Variants in SEPTIN7 observed in about 807,000 individuals in gnomAD.
SEPTIN7 encodes the protein septin-7.
SEPTIN7 carries 10 observed loss-of-function variants against 63.3 expected under a neutral mutation model. The ratio of observed to expected loss-of-function variants is 0.16; its 90% CI spans 0.10 to 0.27. The LOEUF (loss-of-function observed/expected upper bound fraction) is 0.27, where lower values mean the gene tolerates loss of function less well. Ranked by LOEUF, SEPTIN7 falls within the 10% of genes least tolerant of loss-of-function variation. SEPTIN7 has a pLI of 1.00. For missense variants in SEPTIN7, 310 were observed against 521.0 expected, an observed-to-expected ratio of 0.59 and a Z score of 3.94; for synonymous variants, 131 against 165.3, an observed-to-expected ratio of 0.79 and a Z score of 1.59.
chr7:35,807,110 C>A lies in SEPTIN7; in HGVS notation c.61+5840C>A, dbSNP rs1217599760. 2.0e-5 allele frequency among the ~76,000 whole-genome samples: 3 copies of A among 152,136 alleles called. No homozygotes were observed. The South Asian group carries it at 6.2e-4, about 32-fold the overall frequency. On this transcript the variant is annotated intron_variant, in intron 1 of 13. Transcript: ENST00000350320. ...CCAGGAAGTATCAGACACTTTGACACCATAGCAATCAAGAAAGCTGTGGTC... is the reference window on the plus strand; with the variant it reads ...CCAGGAAGTATCAGACACTTTGACAACATAGCAATCAAGAAAGCTGTGGTC...
chr7:35,801,160 G>GAC lies in SEPTIN7; in HGVS notation c.-49_-48insCA. On this transcript the variant is annotated 5_prime_UTR_variant, in exon 1 of 14. Transcript: ENST00000350320. ...CGGAATCGGCGTAGGCGCCTTTGGAGAATCGGCGGGCTGCGCTCCGCTGGG... is the reference window on the plus strand; with the variant it reads ...CGGAATCGGCGTAGGCGCCTTTGGAGACAATCGGCGGGCTGCGCTCCGCTGGG... The GAC allele has an allele frequency of 6.9e-7, 1 of 1,442,454 alleles. No individual in the cohort carries two copies. 89.4% of individuals were successfully genotyped at this position (1,442,454 alleles called of 1,614,324 possible). A position where few individuals can be genotyped will look rare whatever the true frequency, so the allele number is the denominator to read the frequency against.
intron 1 of SEPTIN7, chr7:35,802,126 G>A (rs1788033174): frequency 6.0e-6 from 1 of 167,114 alleles, no homozygotes; most frequent in South Asian, 1.2e-4. Flanking sequence ...CGAAGTTTAG[G>A]GAAATTAATT....
chr7:35,904,315 A>G lies in SEPTIN7; in HGVS notation c.*22A>G. On this transcript the variant is annotated 3_prime_UTR_variant, in exon 14 of 14. Coordinates refer to ENST00000350320, the MANE Select transcript of SEPTIN7 (RefSeq NM_001788.6). ...TTAAACTCTCTATTGACCACCAGTT[A>G]ACGTATTAGTTGCCAATATGCCAGC... 1 of 1,541,512 alleles carries G rather than the reference A, an allele frequency of 6.5e-7. No homozygotes were observed. Among genetic ancestry groups the G allele is most frequent in the African/African-American group, 1.4e-5 (1 of 73,002 alleles).
intron 3 of SEPTIN7, among the ~76,000 whole-genome samples, chr7:35,834,284 T>A (rs1783975521): frequency 6.6e-6 from 1 of 152,012 alleles, no homozygotes; most frequent in Non-Finnish European, 1.5e-5. Flanking sequence ...TTCCTTTGAC[T>A]TTAGAATTTT....
chr7:35,889,953 A>G (rs1313764961), intron 10 of SEPTIN7, among the ~76,000 whole-genome samples: 16 of 152,360 alleles, frequency 1.1e-4, no homozygotes, highest in Admixed American at 5.2e-4. Context: ...GAGAAGAGAG[A>G]GGACTGACAA....
intron 12 of SEPTIN7, 98 bp downstream of exon 12, chr7:35,898,481 AT>A: frequency 1.3e-6 from 1 of 780,700 alleles, no homozygotes; most frequent in Non-Finnish European, 2.0e-6. Flanking sequence ...TTTTATACAT[AT>A]TTTTTCAAAA....
intron 1 of SEPTIN7, among the ~76,000 whole-genome samples, chr7:35,806,831 A>G (rs532713205): frequency 6.6e-6 from 1 of 152,356 alleles, no homozygotes; most frequent in Non-Finnish European, 1.5e-5. Context: ...TCTTTATTAT[A>G]TAAGATTTCA....
intron 1 of SEPTIN7, among the ~76,000 whole-genome samples, chr7:35,811,108 C>T (rs529212628): frequency 5.3e-5 from 8 of 152,146 alleles, no homozygotes; most frequent in African/African-American, 1.9e-4. Flanking sequence ...ATGTATTGTC[C>T]TTCAGTTTTA....
intron 1 of SEPTIN7, among the ~76,000 whole-genome samples, chr7:35,824,277 T>G (rs1370408942): frequency 6.6e-6 from 1 of 152,134 alleles, no homozygotes; most frequent in African/African-American, 2.4e-5. Context: ...AACCACTTCT[T>G]GAGGGGGCTG....
intron 4 of SEPTIN7, among the ~76,000 whole-genome samples, chr7:35,869,843 AAAAACAGTTG>A (rs1204738627): frequency 6.6e-6 from 1 of 152,186 alleles, no homozygotes; most frequent in Non-Finnish European, 1.5e-5. Flanking sequence ...TTTTTCAGGG[AAAAACAGTTG>A]AAAATGCCCT....
intron 1 of SEPTIN7, among the ~76,000 whole-genome samples, chr7:35,811,027 C>G (rs1788673891): frequency 6.6e-6 from 1 of 152,148 alleles, no homozygotes; most frequent in Non-Finnish European, 1.5e-5. Context: ...CCTTGGCCTC[C>G]CAAAGTGCTG....
At chr7:35,895,384 T>C (rs1355566961) in intron 11 of SEPTIN7, among the ~76,000 whole-genome samples, 1 of 152,198 alleles carries the variant, frequency 6.6e-6, no homozygotes, top group Non-Finnish European at 1.5e-5. Context: ...ATTTTAAATA[T>C]GCATGAACAT....
intron 1 of SEPTIN7, among the ~76,000 whole-genome samples, chr7:35,829,373 C>T (rs1042455756): frequency 1.3e-5 from 2 of 152,006 alleles, no homozygotes; most frequent in African/African-American, 4.8e-5. Context: ...AACTCCTGAC[C>T]TCAGGCAATC....
Position 35,801,249 on chromosome 7 carries a change from A to G in SEPTIN7, c.40A>G (p.Ser14Gly), listed in dbSNP as rs910715459. The G allele has an allele frequency of 1.2e-5, 18 of 1,530,916 alleles. No individual in the cohort carries two copies. The highest frequency in any genetic ancestry group is 1.4e-5 in the Non-Finnish European group (16 of 1,140,830). The allele number at this position is 1,530,916 out of a possible 1,614,324, so 94.8% of individuals were successfully genotyped here. The change falls in exon 1 of 14, where the codon AGC (serine) becomes GGC (glycine). Residue 14 changes from serine (S) to glycine (G), a missense_variant. Coordinates refer to ENST00000350320, the MANE Select transcript of SEPTIN7 (RefSeq NM_001788.6). ...SARSAAAEERSVNSSTMVAQQ... is the reference protein window; with the variant it reads ...SARSAAAEERGVNSSTMVAQQ... ...GAGATCCGCTGCTGCTGAGGAGAGG[A>G]GCGTCAACAGCAGCACCATGGGTGA...
chr7:35,842,811 G>A (rs562475299), intron 3 of SEPTIN7, among the ~76,000 whole-genome samples: 26 of 151,898 alleles, frequency 1.7e-4, no homozygotes, highest in Non-Finnish European at 2.9e-4. Context: ...CTTCTCTTTT[G>A]TCCCCCTAAA....
intron 1 of SEPTIN7, among the ~76,000 whole-genome samples, chr7:35,819,431 G>A (rs1249319062): frequency 6.6e-6 from 1 of 152,096 alleles, no homozygotes; most frequent in African/African-American, 2.4e-5. Context: ...GTTTTTGGGT[G>A]GAATGTTGTA....
chr7:35,878,123 A>G (rs1257267618), intron 6 of SEPTIN7, among the ~76,000 whole-genome samples: 1 of 152,156 alleles, frequency 6.6e-6, no homozygotes, highest in East Asian at 1.9e-4. Context: ...GTGAGGACCC[A>G]TCTGTATGCA....
At position 35,831,616 on chromosome 7, in the gene SEPTIN7, C is replaced by T. The variant is rs137966740; in HGVS notation, c.66+120C>T. ...GGTTTAATGCATATTTCTAACTCCA[C>T]TCATAGCAGACTTTCAAATATTTGA... On this transcript the variant is annotated intron_variant, in intron 2 of 13. Coordinates refer to ENST00000350320, the MANE Select transcript of SEPTIN7 (RefSeq NM_001788.6). 254 of 271,156 alleles carry T rather than the reference C, an allele frequency of 9.4e-4. 2 individuals carry two copies. The highest frequency in any genetic ancestry group is 5.7e-3 in the African/African-American group (242 of 42,780). The allele number at this position is 271,156 out of a possible 1,614,324, so 16.8% of individuals were successfully genotyped here. A position where few individuals can be genotyped will look rare whatever the true frequency, so the allele number is the denominator to read the frequency against.
At chr7:35,884,355 C>T (rs992519130) in intron 9 of SEPTIN7, among the ~76,000 whole-genome samples, 5 of 152,092 alleles carry the variant, frequency 3.3e-5, no homozygotes, top group South Asian at 2.1e-4. Context: ...TAAGGATGCT[C>T]GACCAGTAAG....
Sources: gnomAD v4.1 joint callset for allele counts (sites outside exome capture counted in the v4.1 genomes callset) on GRCh38, gnomAD v4.1.1 for gene constraint, MANE v1.5 for transcripts, NCBI Gene and HGNC (gene_info 2026-07-23, HGNC 2026-07-21) for gene names.